Variants in RCAN1 observed in about 807,000 individuals in gnomAD.
RCAN1 encodes the protein regulator of calcineurin 1.
RCAN1 carries 11 observed loss-of-function variants against 22.9 expected under a neutral mutation model. The ratio of observed to expected loss-of-function variants is 0.48; its 90% CI spans 0.30 to 0.79. RCAN1 has a LOEUF of 0.79. Ranked by LOEUF, RCAN1 falls within the 30% of genes least tolerant of loss-of-function variation. The pLI, the probability that RCAN1 is intolerant of heterozygous loss-of-function variation, is 0.06. For synonymous variants in RCAN1, 136 were observed against 142.3 expected, an observed-to-expected ratio of 0.96 and a Z score of 0.32; for missense variants, 291 against 337.8, an observed-to-expected ratio of 0.86 and a Z score of 1.09.
chr21:34,596,593 C>T (rs1018898458), intron 1 of RCAN1, among the ~76,000 whole-genome samples: 18 of 152,302 alleles, frequency 1.2e-4, no homozygotes, highest in African/African-American at 3.8e-4. Context: ...GGTTTAGAGC[C>T]GTCTCAGGGA....
chr21:34,552,496 CAAACAGGGCAGAG>C (rs1986406275), intron 1 of RCAN1, among the ~76,000 whole-genome samples: 1 of 152,134 alleles, frequency 6.6e-6, no homozygotes, highest in South Asian at 2.1e-4. Flanking sequence ...CCACAAACGG[CAAACAGGGCAGAG>C]AAACAGGGCA....
chr21:34,559,023 T>C (rs1226644199), intron 1 of RCAN1, among the ~76,000 whole-genome samples: 1 of 152,238 alleles, frequency 6.6e-6, no homozygotes, highest in Non-Finnish European at 1.5e-5. Flanking sequence ...ACATTCCACC[T>C]AAATGCTAAA....
chr21:34,534,709 T>C (rs1231707637), intron 1 of RCAN1, among the ~76,000 whole-genome samples: 2 of 152,214 alleles, frequency 1.3e-5, no homozygotes, highest in African/African-American at 2.4e-5. Flanking sequence ...AGGCCATTCA[T>C]TGTGGTCACA....
intron 1 of RCAN1, among the ~76,000 whole-genome samples, chr21:34,594,305 G>A (rs752073438): frequency 6.6e-6 from 1 of 152,180 alleles, no homozygotes; most frequent in Non-Finnish European, 1.5e-5. Flanking sequence ...TGTAATCCCA[G>A]CACTCTGGGA....
At chr21:34,521,938 A>C in intron 2 of RCAN1, 1 of 407,496 alleles carries the variant, frequency 2.5e-6, no homozygotes, top group Non-Finnish European at 4.4e-6. Context: ...TGGACAGAAA[A>C]TCAGCAGAGG....
chr21:34,556,353 G>A lies in RCAN1; in HGVS notation c.253-32643C>T, dbSNP rs182011883. 4.2e-3 allele frequency among the ~76,000 whole-genome samples: 635 copies of A among 150,674 alleles called. 3 individuals are homozygous for A. Among genetic ancestry groups the A allele is most frequent in the African/African-American group, 0.015 (610 of 41,264 alleles). On this transcript the variant is annotated intron_variant, in intron 1 of 3. Coordinates refer to ENST00000313806, the MANE Select transcript of RCAN1 (RefSeq NM_004414.7). ...AAGTAGGAGAATCGCTTGAGCCCAG[G>A]AGGTCGAGGCTGCAGTGAGCTGAGA...
chr21:34,599,754 T>G (rs1435175752), intron 1 of RCAN1, among the ~76,000 whole-genome samples: 3 of 152,160 alleles, frequency 2.0e-5, no homozygotes, highest in Admixed American at 2.0e-4. Context: ...TGAGGCGTAA[T>G]TAACAAAGTG....
intron 1 of RCAN1, among the ~76,000 whole-genome samples, chr21:34,549,688 G>C (rs1188569571): frequency 2.0e-5 from 3 of 152,218 alleles, no homozygotes; most frequent in African/African-American, 7.2e-5. Flanking sequence ...GGAGGACAAT[G>C]ATGGGGACCA....
At chr21:34,525,884 T>C (rs1282558944) in intron 1 of RCAN1, among the ~76,000 whole-genome samples, 1 of 151,848 alleles carries the variant, frequency 6.6e-6, no homozygotes, top group Non-Finnish European at 1.5e-5. Context: ...TATACAATTA[T>C]GGAGTTACAT....
intron 1 of RCAN1, among the ~76,000 whole-genome samples, chr21:34,564,733 A>G (rs1163964379): frequency 6.6e-6 from 1 of 152,174 alleles, no homozygotes; most frequent in Non-Finnish European, 1.5e-5. Flanking sequence ...ATAAATATAC[A>G]TATTTATATT....
chr21:34,592,797 C>T (rs550184940), intron 1 of RCAN1, among the ~76,000 whole-genome samples: 1 of 152,292 alleles, frequency 6.6e-6, no homozygotes, highest in South Asian at 2.1e-4. Context: ...TATATGATGT[C>T]TATGTTCTCT....
intron 1 of RCAN1, chr21:34,613,715 C>G: frequency 7.0e-7 from 1 of 1,435,494 alleles, no homozygotes; most frequent in Non-Finnish European, 9.3e-7. Context: ...GGAAGCTTAC[C>G]TAAGCACACG....
chr21:34,522,532 G>A (rs1428115832), intron 2 of RCAN1: 2 of 152,232 alleles, frequency 1.3e-5, no homozygotes, highest in Non-Finnish European at 2.9e-5. Context: ...GGGCAAAAAG[G>A]TCAGGGGTGG....
intron 1 of RCAN1, among the ~76,000 whole-genome samples, chr21:34,597,748 CATT>C (rs1361972561): frequency 2.0e-5 from 3 of 152,126 alleles, no homozygotes; most frequent in African/African-American, 7.2e-5. Context: ...GAAAAATCAT[CATT>C]ATTTGCAGGT....
At chr21:34,603,657 C>G (rs543250657) in intron 1 of RCAN1, among the ~76,000 whole-genome samples, 1 of 152,084 alleles carries the variant, frequency 6.6e-6, no homozygotes, top group African/African-American at 2.4e-5. Context: ...CCAGTTACCC[C>G]GGGATTCCAC....
intron 1 of RCAN1, among the ~76,000 whole-genome samples, chr21:34,543,441 A>G (rs1378701932): frequency 6.6e-6 from 1 of 152,214 alleles, no homozygotes; most frequent in Non-Finnish European, 1.5e-5. Flanking sequence ...AGGCAACGAA[A>G]CGGATTTTGC....
intron 1 of RCAN1, among the ~76,000 whole-genome samples, chr21:34,570,007 G>T (rs1568915295): frequency 6.6e-6 from 1 of 152,242 alleles, no homozygotes; most frequent in Admixed American, 6.5e-5. Flanking sequence ...CCTGCCCATG[G>T]CTTCTTCTGG....
intron 1 of RCAN1, among the ~76,000 whole-genome samples, chr21:34,570,363 G>A (rs1333054051): frequency 6.6e-6 from 1 of 152,228 alleles, no homozygotes; most frequent in African/African-American, 2.4e-5. Flanking sequence ...AGAGTGATTT[G>A]CTTCTGCATA....
At chr21:34,535,335 G>A (rs1018607106) in intron 1 of RCAN1, among the ~76,000 whole-genome samples, 2 of 151,788 alleles carry the variant, frequency 1.3e-5, no homozygotes, top group Non-Finnish European at 2.9e-5. Context: ...ATTTCTCTTA[G>A]TATTGCTCTC....
Sources: allele counts gnomAD v4.1 joint callset (sites outside exome capture counted in the v4.1 genomes callset), GRCh38; gene constraint gnomAD v4.1.1; transcripts MANE v1.5; gene names NCBI Gene and HGNC (gene_info 2026-07-23, HGNC 2026-07-21).